The following GEMIN6 variants were observed in gnomAD, a reference collection of about 807,000 sequenced individuals.
GEMIN6 encodes the protein gem nuclear organelle associated protein 6.
A neutral mutation model predicts 14.1 loss-of-function variants in GEMIN6; 13 were observed. The ratio of observed to expected loss-of-function variants is 0.92; its 90% CI spans 0.60 to 1.46. The LOEUF (loss-of-function observed/expected upper bound fraction) is 1.46, where lower values mean the gene tolerates loss of function less well. Ranked by LOEUF, GEMIN6 falls within the 40% of genes most tolerant of loss-of-function variation. GEMIN6 has a pLI of 0.00. For missense variants in GEMIN6, 271 were observed against 202.4 expected (o/e 1.34, Z -2.06); for synonymous variants, 87 against 70.0 (o/e 1.24, Z -1.21).
intron 1 of GEMIN6, 74 bp from the exon 2 acceptor site, chr2:38,778,898 G>A (rs1669010938): frequency 7.7e-7 from 1 of 1,302,436 alleles, no homozygotes; most frequent in Admixed American, 2.4e-5. Flanking sequence ...CTGTCTCTAG[G>A]ATAGGATGGA....
Position 38,783,798 on chromosome 2 carries a change from A to G in GEMIN6, c.*1906A>G, listed in dbSNP as rs974299282. On this transcript the variant is annotated 3_prime_UTR_variant, in exon 3 of 3. Coordinates refer to ENST00000281950, the MANE Select transcript of GEMIN6 (RefSeq NM_024775.10). ...TTTAGGTTTCAGGGCCTTTGAATAC[A>G]GTCTGATAACACAGCTATTTTCCTG... 6.6e-6 allele frequency: 1 copy of G among 152,124 alleles called. No individual in the cohort carries two copies. Among genetic ancestry groups the G allele is most frequent in the Non-Finnish European group, 1.5e-5 (1 of 68,036 alleles). 9.4% of individuals were successfully genotyped at this position (152,124 alleles called of 1,614,324 possible). A position where few individuals can be genotyped will look rare whatever the true frequency, so the allele number is the denominator to read the frequency against.
At chr2:38,780,134 T>C (rs1019233129) in intron 2 of GEMIN6, among the ~76,000 whole-genome samples, 14 of 150,384 alleles carry the variant, frequency 9.3e-5, no homozygotes, top group Non-Finnish European at 1.6e-4. Context: ...CTGGCTAACA[T>C]GGTGAAACCC....
At position 38,779,097 on chromosome 2, in the gene GEMIN6, C is replaced by G; in HGVS notation, c.107C>G (p.Thr36Ser). 6.2e-7 allele frequency: 1 copy of G among 1,613,312 alleles called. No homozygotes were observed. The highest frequency in any genetic ancestry group is 8.5e-7 in the Non-Finnish European group (1 of 1,179,636). Residue 36 changes from threonine to serine, a missense_variant, in exon 2 of 3, where the codon ACT (threonine) becomes AGT (serine). By Grantham distance (58) the Thr-to-Ser change is moderately conservative. Transcript: ENST00000281950. ...EKNEYKGWVL[T>S]TDPVSANIVL... ...AATGAGTATAAAGGATGGGTTTTAA[C>G]TACAGACCCAGTCTCTGCCAAGTGA... is the stretch of plus-strand genomic sequence containing the variant.
chr2:38,781,449 A>C lies in GEMIN6; in HGVS notation c.129-68A>C. 3 of 1,393,470 alleles carry C rather than the reference A, an allele frequency of 2.2e-6. No individual in the cohort carries two copies. The South Asian group carries it at 4.1e-5, about 19-fold the overall frequency. The allele number at this position is 1,393,470 out of a possible 1,614,324, so 86.3% of individuals were successfully genotyped here. A position where few individuals can be genotyped will look rare whatever the true frequency, so the allele number is the denominator to read the frequency against. The stretch of plus-strand genomic sequence containing the variant: ...ACAGGATTAATTTCAAACAGAGTAG[A>C]GTGTCATCTATTATTTTAGTGACCT... On this transcript the variant is annotated intron_variant, in intron 2 of 2. Transcript: ENST00000281950.
chr2:38,784,772 C>T lies in GEMIN6; in HGVS notation c.*2880C>T, dbSNP rs1012734804. ...CTGATCTGCCATAGAAACCTTCATG[C>T]TTAGGGAGTTTCCCTAGCTAATTCC... On this transcript the variant is annotated 3_prime_UTR_variant, in exon 3 of 3. Coordinates refer to ENST00000281950, the MANE Select transcript of GEMIN6 (RefSeq NM_024775.10). 1 of 152,192 alleles carries T rather than the reference C, an allele frequency of 6.6e-6. No individual in the cohort carries two copies. The highest frequency in any genetic ancestry group is 1.5e-5 in the Non-Finnish European group (1 of 68,044). The allele number at this position is 152,192 out of a possible 1,614,324, so 9.4% of individuals were successfully genotyped here. A position where few individuals can be genotyped will look rare whatever the true frequency, so the allele number is the denominator to read the frequency against.
chr2:38,779,037 T>C lies in GEMIN6; in HGVS notation c.47T>C (p.Ile16Thr), dbSNP rs1039599703. ...KKGPLEWQDY[I>T]YKEVRVTASE... is the part of the protein sequence containing the mutation. ...GGCCCCTTAGAATGGCAAGATTACATTTACAAAGAGGTCCGAGTGACAGCC... is the reference window on the plus strand; with the variant it reads ...GGCCCCTTAGAATGGCAAGATTACACTTACAAAGAGGTCCGAGTGACAGCC... Residue 16 changes from isoleucine to threonine, a missense_variant, in exon 2 of 3, where the codon ATT becomes ACT. Ile to Thr is a moderately conservative substitution (Grantham distance 89, BLOSUM62 -1). Transcript: ENST00000281950. 1.9e-6 allele frequency: 3 copies of C among 1,613,690 alleles called. No homozygotes were observed. The highest frequency in any genetic ancestry group is 2.7e-5 in the African/African-American group (2 of 74,850).
Position 38,779,107 on chromosome 2 carries a change from A to G in GEMIN6, c.117A>G (p.Pro39=). The part of the protein sequence containing the change: ...EYKGWVLTTD[P]VSANIVLVNF... ...AAGGATGGGTTTTAACTACAGACCC[A>G]GTCTCTGCCAAGTGAGTATGCATCC... Residue 39 remains proline, a synonymous_variant, in exon 2 of 3, where the codon CCA becomes CCG. Transcript: ENST00000281950. 6.2e-7 allele frequency: 1 copy of G among 1,612,662 alleles called. No individual in the cohort carries two copies. The highest frequency in any genetic ancestry group is 8.5e-7 in the Non-Finnish European group (1 of 1,179,380).
Position 38,784,673 on chromosome 2 carries a change from G to T in GEMIN6, c.*2781G>T, listed in dbSNP as rs1572596055. Reference sequence around the variant, plus strand: ...GAGCTGGGGACATTGACTGTTTCCTGGCAACTGAGTCCTCTGATTGTGTAA... The same window carrying T: ...GAGCTGGGGACATTGACTGTTTCCTTGCAACTGAGTCCTCTGATTGTGTAA... On this transcript the variant is annotated 3_prime_UTR_variant, in exon 3 of 3. Transcript: ENST00000281950. 6.6e-6 allele frequency: 1 copy of T among 152,252 alleles called. No homozygotes were observed. The highest frequency in any genetic ancestry group is 1.9e-4 in the East Asian group (1 of 5,178). The allele number at this position is 152,252 out of a possible 1,614,324, so 9.4% of individuals were successfully genotyped here.
rs1486866595 is a variant in GEMIN6, at chr2:38,781,990, T to C, written c.*98T>C. 8.7e-7 allele frequency: 1 copy of C among 1,151,282 alleles called. No individual in the cohort carries two copies. The highest frequency in any genetic ancestry group is 1.5e-5 in the African/African-American group (1 of 64,686). The allele number at this position is 1,151,282 out of a possible 1,614,324, so 71.3% of individuals were successfully genotyped here. On this transcript the variant is annotated 3_prime_UTR_variant, in exon 3 of 3. Coordinates refer to ENST00000281950, the MANE Select transcript of GEMIN6 (RefSeq NM_024775.10). Reference sequence around the variant, plus strand: ...ATGTACATGACTGTGTGTGTGTATGTGTGTGTGTGTATAATTCTTTGTTGT... The same window carrying C: ...ATGTACATGACTGTGTGTGTGTATGCGTGTGTGTGTATAATTCTTTGTTGT...
rs1333830688 is a variant in GEMIN6, at chr2:38,783,213, A to C, written c.*1321A>C. On this transcript the variant is annotated 3_prime_UTR_variant, in exon 3 of 3. Coordinates refer to ENST00000281950, the MANE Select transcript of GEMIN6 (RefSeq NM_024775.10). ...GTTTGTTTGTTTGTTTTTGAGACAG[A>C]GTCTTGCTCTGTCACTCAGGCTGGA... The C allele has an allele frequency of 6.5e-6, 1 of 154,258 alleles. No individual in the cohort carries two copies. Among genetic ancestry groups the C allele is most frequent in the African/African-American group, 2.5e-5 (1 of 40,588 alleles). The allele number at this position is 154,258 out of a possible 1,614,324, so 9.6% of individuals were successfully genotyped here.
rs751648201 is a variant in GEMIN6, at chr2:38,781,879, C to A, written c.491C>A (p.Thr164Lys). ...RVQDLIEGHL[T>K]ASQ Reference sequence around the variant, plus strand: ...CAGGATCTTATTGAAGGACATCTTACAGCTTCCCAATGAGAGGCCAGGAAG... The same window carrying A: ...CAGGATCTTATTGAAGGACATCTTAAAGCTTCCCAATGAGAGGCCAGGAAG... Residue 164 changes from threonine (T) to lysine (K), a missense_variant, in exon 3 of 3, where the codon ACA (threonine) becomes AAA (lysine). By Grantham distance (78) the Thr-to-Lys change is moderately conservative. Coordinates refer to ENST00000281950, the MANE Select transcript of GEMIN6 (RefSeq NM_024775.10). The A allele has an allele frequency of 1.1e-5, 18 of 1,604,716 alleles. No homozygotes were observed. The highest frequency in any genetic ancestry group is 1.7e-5 in the Admixed American group (1 of 58,734).
chr2:38,779,665 T>TATATATATATA (rs1491245074), intron 2 of GEMIN6, among the ~76,000 whole-genome samples: 43 of 14,218 alleles, frequency 3.0e-3, no homozygotes, highest in Admixed American at 1.0e-2. Flanking sequence ...TATATATATA[T>TATATATATATA]TTTTTTTTTT....
intron 2 of GEMIN6, among the ~76,000 whole-genome samples, chr2:38,781,294 T>A (rs1373600976): frequency 1.3e-5 from 2 of 152,180 alleles, no homozygotes; most frequent in African/African-American, 4.8e-5. Context: ...TAATACACAT[T>A]TAAGGCATTC....
At chr2:38,780,908 C>T (rs1261347801) in intron 2 of GEMIN6, among the ~76,000 whole-genome samples, 8 of 151,948 alleles carry the variant, frequency 5.3e-5, no homozygotes, top group African/African-American at 1.5e-4. Flanking sequence ...GGATTACAGG[C>T]GTGAGCCACC....
At chr2:38,780,279 C>T (rs1400207810) in intron 2 of GEMIN6, among the ~76,000 whole-genome samples, 1 of 148,992 alleles carries the variant, frequency 6.7e-6, no homozygotes, top group Non-Finnish European at 1.5e-5. Flanking sequence ...GAGATCGCGC[C>T]ACTGCACTCT....
rs925093612 is a variant in GEMIN6 at position 38,783,856 on chromosome 2, A to G, written c.*1964A>G. 6.6e-6 allele frequency: 1 copy of G among 152,176 alleles called. No individual in the cohort carries two copies. The highest frequency in any genetic ancestry group is 1.5e-5 in the Non-Finnish European group (1 of 68,038). The allele number at this position is 152,176 out of a possible 1,614,324, so 9.4% of individuals were successfully genotyped here. A position where few individuals can be genotyped will look rare whatever the true frequency, so the allele number is the denominator to read the frequency against. On this transcript the variant is annotated 3_prime_UTR_variant, in exon 3 of 3. Transcript: ENST00000281950. ...GTCTAATAACAAGATGGTATAGTCC[A>G]GTGCTTCCTGCATGTTGGCAAGCAT...
rs1669154315 is a variant in GEMIN6 at position 38,784,170 on chromosome 2, G to C, written c.*2278G>C. 1 of 152,244 alleles carries C rather than the reference G, an allele frequency of 6.6e-6. No homozygotes were observed. Among genetic ancestry groups the C allele is most frequent in the African/African-American group, 2.4e-5 (1 of 41,554 alleles). 9.4% of individuals were successfully genotyped at this position (152,244 alleles called of 1,614,324 possible). ...CCTGTTCAAACCCTGGATGTCTTCA[G>C]AAAGCAAATAGAAGGGGAATATGAA... On this transcript the variant is annotated 3_prime_UTR_variant, in exon 3 of 3. Transcript: ENST00000281950.
In GEMIN6 at chr2:38,778,244, T is replaced by A. The variant is rs1015603340; in HGVS notation, c.-57T>A. Reference sequence around the variant, plus strand: ...TCAACGATCCTTCCTCAAAGCATGGTTGCTGAGTACCCAGAGTTGCGAGGA... The same window carrying A: ...TCAACGATCCTTCCTCAAAGCATGGATGCTGAGTACCCAGAGTTGCGAGGA... On this transcript the variant is annotated 5_prime_UTR_variant, in exon 1 of 3. It adds an upstream start codon to the 5' untranslated region. Coordinates refer to ENST00000281950, the MANE Select transcript of GEMIN6 (RefSeq NM_024775.10). 6 of 152,192 alleles carry A rather than the reference T, an allele frequency of 3.9e-5. No homozygotes were observed. The highest frequency in any genetic ancestry group is 2.0e-4 in the Admixed American group (3 of 15,262). The allele number at this position is 152,192 out of a possible 1,614,324, so 9.4% of individuals were successfully genotyped here. A position where few individuals can be genotyped will look rare whatever the true frequency, so the allele number is the denominator to read the frequency against.
chr2:38,784,872 C>T lies in GEMIN6; in HGVS notation c.*2980C>T, dbSNP rs1388240856. The stretch of plus-strand genomic sequence containing the variant: ...CTTTGGGCTGTCAGCATCTGTGATT[C>T]CACATTCCCCAGAGGGAGATTCCTC... On this transcript the variant is annotated 3_prime_UTR_variant, in exon 3 of 3. Coordinates refer to ENST00000281950, the MANE Select transcript of GEMIN6 (RefSeq NM_024775.10). 6.6e-6 allele frequency: 1 copy of T among 152,226 alleles called. No homozygotes were observed. The highest frequency in any genetic ancestry group is 1.5e-5 in the Non-Finnish European group (1 of 68,054). The allele number at this position is 152,226 out of a possible 1,614,324, so 9.4% of individuals were successfully genotyped here.
Sources: allele counts gnomAD v4.1 joint callset (sites outside exome capture counted in the v4.1 genomes callset), GRCh38; gene constraint gnomAD v4.1.1; transcripts MANE v1.5; gene names NCBI Gene and HGNC (gene_info 2026-07-23, HGNC 2026-07-21).